The following L1TD1 variants were observed in gnomAD, a reference collection of about 807,000 sequenced individuals.
L1TD1 encodes the protein LINE-1 type transposase domain-containing protein 1.
Under a neutral mutation model 25.7 loss-of-function variants are expected in L1TD1, and 26 were observed. The ratio of observed to expected loss-of-function variants is 1.01; its 90% CI spans 0.74 to 1.40. The LOEUF is 1.40. Among genes scored for constraint, L1TD1 ranks in the 40% most tolerant of loss-of-function variants. L1TD1 has a pLI of 0.00. For missense variants in L1TD1, 1,130 were observed against 975.0 expected (o/e 1.16, Z -2.12); for synonymous variants, 421 against 335.6 (o/e 1.25, Z -2.78).
chr1:62,210,456 C>T lies in L1TD1; in HGVS notation c.1682C>T (p.Ser561Leu), dbSNP rs1257178921. 6.2e-7 allele frequency: 1 copy of T among 1,614,130 alleles called. No homozygotes were observed. The highest frequency in any genetic ancestry group is 2.2e-5 in the East Asian group (1 of 44,884). The change falls in exon 4 of 4, where the codon TCA (serine) becomes TTA (leucine). Residue 561 changes from serine (S) to leucine (L), a missense_variant. Transcript: ENST00000498273. Reference protein sequence around the residue: ...LTLCLASPSKSLEMSHDEHKK... With the variant: ...LTLCLASPSKLLEMSHDEHKK... ...TTATGTTTGGCCTCTCCCTCAAAGT[C>T]ACTAGAGATGAGTCATGATGAGCAT...
intron 2 of L1TD1, among the ~76,000 whole-genome samples, chr1:62,200,871 C>G (rs1670627486): frequency 6.6e-6 from 1 of 152,030 alleles, no homozygotes; most frequent in Non-Finnish European, 1.5e-5. Flanking sequence ...TATTGATTTA[C>G]ATTGTCTTTC....
chr1:62,202,764 A>T (rs557985851), intron 2 of L1TD1, among the ~76,000 whole-genome samples: 2 of 145,506 alleles, frequency 1.4e-5, no homozygotes, highest in African/African-American at 2.6e-5. Flanking sequence ...GCTCACTGCA[A>T]CCTCCGCCTC....
chr1:62,207,131 ACG>A lies in L1TD1; in HGVS notation c.504_505del (p.Tyr168Ter), dbSNP rs1328421970. Reference sequence around the variant, plus strand: ...TTACCCCAGGGTGAATCACGAAGTTACGAAGTCATGGGAAGTATGGAAGAAAC... The same window carrying A: ...TTACCCCAGGGTGAATCACGAAGTTAAAGTCATGGGAAGTATGGAAGAAAC... On this transcript the variant is annotated stop_gained and frameshift_variant, in exon 3 of 4. Coordinates refer to ENST00000498273, the MANE Select transcript of L1TD1 (RefSeq NM_019079.5). LOFTEE classifies it high-confidence loss of function. The A allele has an allele frequency of 1.3e-6, 2 of 1,587,778 alleles. No homozygotes were observed. Among genetic ancestry groups the A allele is most frequent in the South Asian group, 2.3e-5 (2 of 88,558 alleles).
Position 62,207,102 on chromosome 1 carries a change from G to A in L1TD1, c.474G>A (p.Lys158=). ...ACGAATACAATAGTAATGATGGTAA[G>A]AAATTACCCCAGGGTGAATCACGAA... ...NTNEYNSNDG[K]KLPQGESRSY... The change falls in exon 3 of 4, where the codon AAG becomes AAA. Residue 158 remains lysine, a synonymous_variant. Coordinates refer to ENST00000498273, the MANE Select transcript of L1TD1 (RefSeq NM_019079.5). 1.9e-6 allele frequency: 3 copies of A among 1,609,260 alleles called. No homozygotes were observed. The highest frequency in any genetic ancestry group is 2.2e-5 in the South Asian group (2 of 90,576).
At position 62,195,544 on chromosome 1, in the gene L1TD1, G is replaced by A. The variant is rs1232130313; in HGVS notation, c.-205+623G>A. 8.0e-5 allele frequency among the ~76,000 whole-genome samples: 12 copies of A among 150,678 alleles called. No individual in the cohort carries two copies. In the South Asian group the frequency reaches 2.3e-3, roughly 29 times the overall value. The stretch of plus-strand genomic sequence containing the variant: ...CGAGGCGGGCGGATCACCTGAGGTC[G>A]GAGTTCGAGACCATCCTGACCAACA... On this transcript the variant is annotated intron_variant, in intron 1 of 3. Coordinates refer to ENST00000498273, the MANE Select transcript of L1TD1 (RefSeq NM_019079.5).
At chr1:62,197,677 G>T (rs892756950) in intron 2 of L1TD1, among the ~76,000 whole-genome samples, 1 of 151,732 alleles carries the variant, frequency 6.6e-6, no homozygotes, top group Non-Finnish European at 1.5e-5. Context: ...TCTGGAGCTG[G>T]AGACCAGCCT....
In L1TD1 at chr1:62,211,441, C is replaced by G; in HGVS notation, c.*69C>G. 6.6e-7 allele frequency: 1 copy of G among 1,517,602 alleles called. No individual in the cohort carries two copies. Among genetic ancestry groups the G allele is most frequent in the Non-Finnish European group, 8.8e-7 (1 of 1,139,418 alleles). 94.0% of individuals were successfully genotyped at this position (1,517,602 alleles called of 1,614,324 possible). ...TGCATCCAAAAATCAACAAGTAAAA[C>G]GAAAATACACTTCTACCCAGAAGGA... On this transcript the variant is annotated 3_prime_UTR_variant, in exon 4 of 4. Coordinates refer to ENST00000498273, the MANE Select transcript of L1TD1 (RefSeq NM_019079.5).
Position 62,207,049 on chromosome 1 carries a change from G to A in L1TD1, c.421G>A (p.Glu141Lys). ...ENLTFKLEVN[E>K]LSGKLDNTNE... ...TTTAACCTTTAAATTAGAAGTAAAT[G>A]AGCTGAGTGGTAAATTAGACAACAC... Residue 141 changes from glutamate (E) to lysine (K), a missense_variant, in exon 3 of 4, where the codon GAG (glutamate) becomes AAG (lysine). By Grantham distance (56) the Glu-to-Lys change is moderately conservative. Coordinates refer to ENST00000498273, the MANE Select transcript of L1TD1 (RefSeq NM_019079.5). 1 of 1,613,912 alleles carries A rather than the reference G, an allele frequency of 6.2e-7. No individual in the cohort carries two copies. The highest frequency in any genetic ancestry group is 8.5e-7 in the Non-Finnish European group (1 of 1,179,970).
chr1:62,211,466 A>T lies in L1TD1; in HGVS notation c.*94A>T, dbSNP rs72679755. The T allele has an allele frequency of 9.8e-3, 14,711 of 1,503,524 alleles. 107 individuals carry two copies. The highest frequency in any genetic ancestry group is 0.017 in the Middle Eastern group (68 of 4,074). The allele number at this position is 1,503,524 out of a possible 1,614,324, so 93.1% of individuals were successfully genotyped here. A position where few individuals can be genotyped will look rare whatever the true frequency, so the allele number is the denominator to read the frequency against. Reference sequence around the variant, plus strand: ...CGAAAATACACTTCTACCCAGAAGGATGGACAGCTAATAGCGTACTTGGGG... The same window carrying T: ...CGAAAATACACTTCTACCCAGAAGGTTGGACAGCTAATAGCGTACTTGGGG... On this transcript the variant is annotated 3_prime_UTR_variant, in exon 4 of 4. Transcript: ENST00000498273.
Position 62,210,669 on chromosome 1 carries a change from T to C in L1TD1, c.1895T>C (p.Ile632Thr), listed in dbSNP as rs774941220. ...AGCATCAGAGAGATAAAAGAGGAGA[T>C]TGGAAATTTGAAAAGTTCCCATTCA... ...INSIREIKEE[I>T]GNLKSSHSGV... The change falls in exon 4 of 4, where the codon ATT becomes ACT. Residue 632 changes from isoleucine to threonine, a missense_variant. Physicochemically the swap from Ile to Thr is moderately conservative, Grantham distance 89. Coordinates refer to ENST00000498273, the MANE Select transcript of L1TD1 (RefSeq NM_019079.5). 5.4e-5 allele frequency: 84 copies of C among 1,556,452 alleles called. 1 individual carries two copies. In the African/African-American group the frequency reaches 9.9e-4, roughly 18 times the overall value.
rs1055963834 is a variant in L1TD1 at position 62,211,543 on chromosome 1, G to T, written c.*171G>T. ...TTACCTAGATGTTAATAAAGGGTAT[G>T]TTTAAAAAAAATAGGCTGGTCTCAA... On this transcript the variant is annotated 3_prime_UTR_variant, in exon 4 of 4. Transcript: ENST00000498273. The T allele has an allele frequency of 1.2e-5, 14 of 1,142,406 alleles. No homozygotes were observed. The African/African-American group carries it at 2.0e-4, about 16-fold the overall frequency. 70.8% of individuals were successfully genotyped at this position (1,142,406 alleles called of 1,614,324 possible).
At chr1:62,197,487 T>A (rs1431904888) in intron 2 of L1TD1, among the ~76,000 whole-genome samples, 2 of 149,644 alleles carry the variant, frequency 1.3e-5, no homozygotes, top group Admixed American at 6.7e-5. Context: ...GCTCATATAT[T>A]CCAAATTTTT....
intron 2 of L1TD1, among the ~76,000 whole-genome samples, chr1:62,204,475 A>G (rs900657626): frequency 2.0e-5 from 3 of 152,318 alleles, no homozygotes; most frequent in South Asian, 2.1e-4. Context: ...AACCTTTAGT[A>G]TTTAAACATT....
Position 62,210,008 on chromosome 1 carries a change from G to A in L1TD1, c.1234G>A (p.Gly412Arg). 3 of 1,575,842 alleles carry A rather than the reference G, an allele frequency of 1.9e-6. No individual in the cohort carries two copies. Among genetic ancestry groups the A allele is most frequent in the Non-Finnish European group, 1.7e-6 (2 of 1,153,214 alleles). ...GGAGGAGGAGGAGGAAGAGCCCTCA[G>A]GGCTGGAGGAGGAAGAAGAAGAAGA... is the stretch of plus-strand genomic sequence containing the variant. ...GLEEEEEEPS[G>R]LEEEEEEEAS... Residue 412 changes from glycine (G) to arginine (R), a missense_variant, in exon 4 of 4, where the codon GGG becomes AGG. By Grantham distance (125) the Gly-to-Arg change is moderately radical. Coordinates refer to ENST00000498273, the MANE Select transcript of L1TD1 (RefSeq NM_019079.5).
At chr1:62,206,352 A>C (rs976714395) in intron 2 of L1TD1, among the ~76,000 whole-genome samples, 167 bp from the exon 3 acceptor site, 1 of 130,230 alleles carries the variant, frequency 7.7e-6, no homozygotes, top group South Asian at 2.5e-4. Flanking sequence ...ATGATAATTT[A>C]TAAATTTTGA....
chr1:62,202,039 G>A (rs1284804319), intron 2 of L1TD1, among the ~76,000 whole-genome samples: 4 of 152,168 alleles, frequency 2.6e-5, no homozygotes, highest in South Asian at 2.1e-4. Context: ...GGTGGCTCAC[G>A]CCTGTAATCC....
intron 3 of L1TD1, among the ~76,000 whole-genome samples, chr1:62,209,228 C>G (rs1433900224): frequency 2.0e-5 from 3 of 151,208 alleles, no homozygotes; most frequent in Non-Finnish European, 4.4e-5. Context: ...TTGTTGTATT[C>G]CTAACCAAAG....
intron 2 of L1TD1, among the ~76,000 whole-genome samples, chr1:62,203,583 G>GT (rs952386085): frequency 9.2e-5 from 14 of 151,586 alleles, no homozygotes; most frequent in South Asian, 8.3e-4. Context: ...TCTGGCTAAT[G>GT]TTTTTTTTCT....
chr1:62,206,635 G>C lies in L1TD1; in HGVS notation c.7G>C (p.Asp3His). The C allele has an allele frequency of 6.6e-7, 1 of 1,517,906 alleles. No homozygotes were observed. The highest frequency in any genetic ancestry group is 8.8e-7 in the Non-Finnish European group (1 of 1,133,442). 94.0% of individuals were successfully genotyped at this position (1,517,906 alleles called of 1,614,324 possible). A position where few individuals can be genotyped will look rare whatever the true frequency, so the allele number is the denominator to read the frequency against. MS[D>H]VSTSVQSKFA... is the part of the protein sequence containing the mutation. The stretch of plus-strand genomic sequence containing the variant: ...TCTTGACAACATATCCACAATGTCT[G>C]ATGTATCTACTAGTGTACAATCAAA... The change falls in exon 3 of 4, where the codon GAT (aspartate) becomes CAT (histidine). Residue 3 changes from aspartate (D) to histidine (H), a missense_variant. By Grantham distance (81) the Asp-to-His change is moderately conservative (BLOSUM62 -1). Transcript: ENST00000498273.
Sources: gnomAD v4.1 joint callset for allele counts (sites outside exome capture counted in the v4.1 genomes callset) on GRCh38, gnomAD v4.1.1 for gene constraint, MANE v1.5 for transcripts, NCBI Gene and HGNC (gene_info 2026-07-23, HGNC 2026-07-21) for gene names.